TRAPPC8: variants seen among roughly 807,000 people sequenced by gnomAD.
TRAPPC8 encodes general sporulation gene 1 homolog.
A neutral mutation model predicts 174.3 loss-of-function variants in TRAPPC8; 54 were observed. The observed-to-expected ratio is 0.31, with a 90% CI of 0.25 to 0.39. The LOEUF is 0.39. Ranked by LOEUF, TRAPPC8 falls within the 10% of genes least tolerant of loss-of-function variation. The probability of loss-of-function intolerance (pLI) is 1.00; values close to 1 mark genes in which losing one functional copy is unlikely to be tolerated. For missense variants in TRAPPC8, 1,531 were observed against 1,699.1 expected (o/e 0.90, Z 1.74); for synonymous variants, 630 against 579.9 (o/e 1.09, Z -1.24).
chr18:31,920,193 G>A (rs1320105919), intron 2 of TRAPPC8, among the ~76,000 whole-genome samples: 1 of 152,108 alleles, frequency 6.6e-6, no homozygotes, highest in Non-Finnish European at 1.5e-5. Flanking sequence ...TTGCTTCAAT[G>A]TTTCCTGAAT....
intron 26 of TRAPPC8, chr18:31,844,291 T>G (rs776823622): frequency 2.0e-5 from 3 of 152,180 alleles, no homozygotes; most frequent in African/African-American, 7.2e-5. Flanking sequence ...TCAAAAGCAG[T>G]AGTTTTGCTT....
intron 9 of TRAPPC8, 39 bp from the exon 10 acceptor site, chr18:31,901,064 A>G (rs1328793852): frequency 1.3e-6 from 2 of 1,533,256 alleles, no homozygotes; most frequent in East Asian, 4.6e-5. Context: ...TCAAAAGAAG[A>G]AACAGTCTTA....
intron 12 of TRAPPC8, among the ~76,000 whole-genome samples, chr18:31,875,132 A>G (rs550125300): frequency 2.6e-5 from 4 of 152,278 alleles, no homozygotes; most frequent in Admixed American, 6.5e-5. Flanking sequence ...AGATTTCACT[A>G]ATATGATGAT....
At position 31,870,360 on chromosome 18, in the gene TRAPPC8, T is replaced by C. The variant is rs367939574; in HGVS notation, c.2388+12A>G. The C allele has an allele frequency of 2.5e-6, 4 of 1,600,278 alleles. No homozygotes were observed. The highest frequency in any genetic ancestry group is 3.4e-6 in the Non-Finnish European group (4 of 1,174,056). ...GCTGAAACATAATTACAAATACCTT[T>C]TAATAACTTACTAGTTGTTTAACTT... is the stretch of plus-strand genomic sequence containing the variant. On this transcript the variant is annotated intron_variant, in intron 16 of 28. Transcript: ENST00000283351.
At chr18:31,882,434 G>T (rs558307825) in intron 12 of TRAPPC8, among the ~76,000 whole-genome samples, 5 of 152,022 alleles carry the variant, frequency 3.3e-5, no homozygotes, top group African/African-American at 1.2e-4. Context: ...GGAAATAATA[G>T]ACACTGGGCA....
chr18:31,906,577 ATG>A (rs951558410), intron 9 of TRAPPC8, among the ~76,000 whole-genome samples: 4 of 152,194 alleles, frequency 2.6e-5, no homozygotes, highest in African/African-American at 7.2e-5. Flanking sequence ...ATAAGCTTAC[ATG>A]TCTTTTAAAA....
chr18:31,886,797 A>G (rs1050497614), intron 12 of TRAPPC8, among the ~76,000 whole-genome samples: 13 of 152,170 alleles, frequency 8.5e-5, no homozygotes, highest in African/African-American at 7.2e-5. Context: ...CTTGGCCAAC[A>G]TGGTGAAACC....
Position 31,830,893 on chromosome 18 carries a change from C to T in TRAPPC8, c.4170G>A (p.Leu1390=). Residue 1390 remains leucine, a synonymous_variant, in exon 29 of 29, where the codon CTG becomes CTA. Coordinates refer to ENST00000283351, the MANE Select transcript of TRAPPC8 (RefSeq NM_014939.5). ...CACCTGTATGAACAAAGCATGCTTT[C>T]AGCTGCAGACTGTGAATCTCCTGGC... ...LKSQEIHSLQ[L]KACFVHTGVY... is the part of the protein sequence containing the mutation. 1 of 1,614,204 alleles carries T rather than the reference C, an allele frequency of 6.2e-7. No homozygotes were observed. Among genetic ancestry groups the T allele is most frequent in the Non-Finnish European group, 8.5e-7 (1 of 1,180,036 alleles).
intron 2 of TRAPPC8, among the ~76,000 whole-genome samples, chr18:31,930,513 G>T (rs2037804223): frequency 6.6e-6 from 1 of 152,172 alleles, no homozygotes; most frequent in Non-Finnish European, 1.5e-5. Context: ...TTAGACTGCT[G>T]AAATATGTTA....
At chr18:31,921,679 C>T (rs1328885024) in intron 2 of TRAPPC8, among the ~76,000 whole-genome samples, 1 of 151,892 alleles carries the variant, frequency 6.6e-6, no homozygotes. Context: ...GCCTCTAATC[C>T]ACATTGTCAA....
intron 26 of TRAPPC8, among the ~76,000 whole-genome samples, chr18:31,844,874 C>A (rs1250116241): frequency 1.3e-5 from 2 of 152,078 alleles, no homozygotes; most frequent in Non-Finnish European, 1.5e-5. Context: ...ACTGATGAGG[C>A]AAATTAACAT....
chr18:31,917,560 A>AT lies in TRAPPC8; in HGVS notation c.442+17dup, dbSNP rs760727627. 6.3e-7 allele frequency: 1 copy of AT among 1,593,664 alleles called. No individual in the cohort carries two copies. The highest frequency in any genetic ancestry group is 1.1e-5 in the South Asian group (1 of 87,934). ...CCATAATATTTGATTTGAGGAGAAC[A>AT]TAAATGTCAAAGGATACATGCTAAA... On this transcript the variant is annotated intron_variant, in intron 3 of 28. Coordinates refer to ENST00000283351, the MANE Select transcript of TRAPPC8 (RefSeq NM_014939.5).
At chr18:31,924,497 A>C (rs1423962290) in intron 2 of TRAPPC8, among the ~76,000 whole-genome samples, 2 of 148,964 alleles carry the variant, frequency 1.3e-5, no homozygotes. Flanking sequence ...GTGGTGGCTC[A>C]CACCTGTAAT....
rs564885041 is a variant in TRAPPC8 at position 31,886,765 on chromosome 18, G to A, written c.1728+3970C>T. On this transcript the variant is annotated intron_variant, in intron 12 of 28. Transcript: ENST00000283351. ...TGGGAGGCTGAGGCGAGCGGATCAC[G>A]AGGTCAGGAGTTTGAGACCAGCTTG... is the stretch of plus-strand genomic sequence containing the variant. Among the ~76,000 whole-genome samples, 68 of 152,224 alleles carry A rather than the reference G, an allele frequency of 4.5e-4. 1 individual carries two copies. Among genetic ancestry groups the A allele is most frequent in the Middle Eastern group, 6.8e-3 (2 of 294 alleles).
chr18:31,884,761 C>T (rs1356540898), intron 12 of TRAPPC8, among the ~76,000 whole-genome samples: 2 of 151,964 alleles, frequency 1.3e-5, no homozygotes, highest in South Asian at 4.1e-4. Context: ...AATCCCAGCA[C>T]TTTGGGGGGC....
chr18:31,914,849 A>G (rs1180088881), intron 4 of TRAPPC8, among the ~76,000 whole-genome samples: 1 of 152,232 alleles, frequency 6.6e-6, no homozygotes, highest in Non-Finnish European at 1.5e-5. Flanking sequence ...CACATATCCC[A>G]AATACAAAAG....
chr18:31,913,594 A>T, intron 4 of TRAPPC8, 72 bp from the exon 5 acceptor site: 1 of 1,175,478 alleles, frequency 8.5e-7, no homozygotes, highest in Non-Finnish European at 1.1e-6. Flanking sequence ...AGACTAAAGT[A>T]GTACAAAAAT....
chr18:31,846,115 A>G (rs1328267979), intron 26 of TRAPPC8, among the ~76,000 whole-genome samples: 1 of 152,194 alleles, frequency 6.6e-6, no homozygotes, highest in Non-Finnish European at 1.5e-5. Context: ...TTTCATACCT[A>G]TGAATTCTGG....
At chr18:31,890,888 A>G (rs777064751) in intron 11 of TRAPPC8, 22 bp from the exon 12 acceptor site, 135 of 1,582,066 alleles carry the variant, frequency 8.5e-5, no homozygotes, top group Middle Eastern at 1.7e-4. Context: ...TTAAAAGAGA[A>G]AAAGGTTAGT....
Sources: allele counts gnomAD v4.1 joint callset (sites outside exome capture counted in the v4.1 genomes callset), GRCh38; gene constraint gnomAD v4.1.1; transcripts MANE v1.5; gene names NCBI Gene and HGNC (gene_info 2026-07-23, HGNC 2026-07-21).